SPRR1A: variants seen among roughly 807,000 people sequenced by gnomAD.
SPRR1A encodes cornifin-A.
For synonymous variants in SPRR1A, 40 were observed against 39.2 expected, an observed-to-expected ratio of 1.02 and a Z score of -0.07; for missense variants, 123 against 105.4, an observed-to-expected ratio of 1.17 and a Z score of -0.73.
chr1:152,985,366 C>T (rs1045343373), exon 1 of SPRR1A: 1 of 1,561,348 alleles, frequency 6.4e-7, no homozygotes, highest in Non-Finnish European at 8.7e-7. Context: ...CCCCAAGGTG[C>T]CTGAGCCCTG....
At chr1:152,984,357 T>C (rs958957690), upstream of SPRR1A, among the ~76,000 whole-genome samples, 1 of 152,196 alleles carries the variant, frequency 6.6e-6, no homozygotes. Flanking sequence ...CTGGAGAAGA[T>C]TGTTCAAATG....
At position 152,985,312 on chromosome 1, in the gene SPRR1A, C is replaced by T. The variant is rs1292867594; in HGVS notation, c.82C>T (p.Pro28Ser). The change falls in exon 1 of 1, where the codon CCA becomes TCA. Residue 28 changes from proline to serine, a missense_variant. Physicochemically the swap from Pro to Ser is moderately conservative, Grantham distance 74. Coordinates refer to ENST00000368762, the Ensembl canonical transcript of SPRR1A. Reference sequence around the variant, plus strand: ...GCAGGTGAAACAACCTTGCCAGCCTCCACCCCAGGAACCATGCATCCCCAA... The same window carrying T: ...GCAGGTGAAACAACCTTGCCAGCCTTCACCCCAGGAACCATGCATCCCCAA... The T allele has an allele frequency of 1.9e-6, 3 of 1,613,964 alleles. No homozygotes were observed. The Admixed American group carries it at 5.0e-5, about 27-fold the overall frequency.
At chr1:152,985,127 A>G (rs1024384598), upstream of SPRR1A, 5 of 1,463,652 alleles carry the variant, frequency 3.4e-6, no homozygotes, top group Non-Finnish European at 3.7e-6. Flanking sequence ...TCTCTTCTAA[A>G]GGGTCCTGAA....
At chr1:152,985,568 A>G, downstream of SPRR1A, 2 of 1,539,486 alleles carry the variant, frequency 1.3e-6, no homozygotes, top group East Asian at 2.3e-5. Flanking sequence ...CATTCTGCTT[A>G]TGAATCCCAT....
chr1:152,984,187 C>T (rs193284334), upstream of SPRR1A, among the ~76,000 whole-genome samples: 2 of 152,198 alleles, frequency 1.3e-5, no homozygotes, highest in East Asian at 3.9e-4. Flanking sequence ...TAGAAATTAG[C>T]TAAAGGCAAA....
chr1:152,985,434 G>A (rs757880939), exon 1 of SPRR1A: 3 of 1,607,240 alleles, frequency 1.9e-6, no homozygotes, highest in South Asian at 2.2e-5. Flanking sequence ...GCCAGCCCAA[G>A]GTGCCTGAGC....
exon 1 of SPRR1A, chr1:152,985,436 T>G: frequency 6.2e-7 from 1 of 1,612,854 alleles, no homozygotes. Flanking sequence ...CAGCCCAAGG[T>G]GCCTGAGCCC....
At chr1:152,984,929 C>T (rs1484211185), upstream of SPRR1A, among the ~76,000 whole-genome samples, 1 of 152,140 alleles carries the variant, frequency 6.6e-6, no homozygotes, top group East Asian at 1.9e-4. Context: ...CAGAAGCCAG[C>T]TTTAGTAGGG....
exon 1 of SPRR1A, chr1:152,985,379 A>G (rs1210541783): frequency 6.4e-7 from 1 of 1,572,042 alleles, no homozygotes; most frequent in Non-Finnish European, 8.7e-7. Flanking sequence ...GAGCCCTGCC[A>G]CCCCAAAGTG....
chr1:152,985,128 G>A, upstream of SPRR1A: 1 of 1,465,306 alleles, frequency 6.8e-7, no homozygotes, highest in Non-Finnish European at 9.2e-7. Flanking sequence ...CTCTTCTAAA[G>A]GGTCCTGAAA....
exon 1 of SPRR1A, chr1:152,985,487 C>A (rs752388862): frequency 1.2e-6 from 2 of 1,613,128 alleles, no homozygotes. Context: ...CAGCAGAAGA[C>A]CAAGCAGAAG....
In SPRR1A at chr1:152,985,261, A is replaced by C. The variant is rs1216138465; in HGVS notation, c.31A>C (p.Thr11Pro). ...TTCTCAGCAGCAGAAGCAGCCTTGC[A>C]CCCCACCCCCTCAGCCTCAGCAGCA... is the stretch of plus-strand genomic sequence containing the variant. Residue 11 changes from threonine (T) to proline (P), a missense_variant, in exon 1 of 1, where the codon ACC becomes CCC. Coordinates refer to ENST00000368762, the Ensembl canonical transcript of SPRR1A. The C allele has an allele frequency of 6.2e-6, 10 of 1,613,172 alleles. No individual in the cohort carries two copies. Among genetic ancestry groups the C allele is most frequent in the Non-Finnish European group, 8.5e-6 (10 of 1,179,690 alleles).
chr1:152,985,158 A>C (rs1652267188), upstream of SPRR1A: 1 of 1,528,374 alleles, frequency 6.5e-7, no homozygotes, highest in South Asian at 1.3e-5. Context: ...TTTGGCATTG[A>C]ATTTGTATCC....
At chr1:152,984,963 T>A (rs1611759), upstream of SPRR1A, among the ~76,000 whole-genome samples, 1 of 151,864 alleles carries the variant, frequency 6.6e-6, no homozygotes, top group Non-Finnish European at 1.5e-5. Flanking sequence ...CAGATATAAG[T>A]TGCCTTGGGT....
chr1:152,984,640 G>A (rs540746834), upstream of SPRR1A, among the ~76,000 whole-genome samples: 1 of 152,216 alleles, frequency 6.6e-6, no homozygotes, highest in Non-Finnish European at 1.5e-5. Flanking sequence ...ACGGAGATGG[G>A]CAGAGAAGGG....
chr1:152,984,327 T>C (rs888633515), upstream of SPRR1A, among the ~76,000 whole-genome samples: 3 of 152,174 alleles, frequency 2.0e-5, no homozygotes, highest in Middle Eastern at 3.2e-3. Flanking sequence ...CCTCAGTAGA[T>C]AGTCATTGAA....
upstream of SPRR1A, chr1:152,985,211 GA>G: frequency 1.3e-6 from 2 of 1,576,660 alleles, no homozygotes; most frequent in Non-Finnish European, 1.7e-6. Flanking sequence ...TCTGTCTCTA[GA>G]AAAAAACACA....
At chr1:152,985,145 C>A (rs950387455), upstream of SPRR1A, 5 of 1,511,156 alleles carry the variant, frequency 3.3e-6, no homozygotes, top group African/African-American at 5.6e-5. Context: ...GAAATAAAAT[C>A]TGTTTGGCAT....
chr1:152,985,330 A>T (rs1486655804), exon 1 of SPRR1A: 1 of 1,613,524 alleles, frequency 6.2e-7, no homozygotes, highest in African/African-American at 1.3e-5. Context: ...GGAACCATGC[A>T]TCCCCAAAAC....
Sources: gnomAD v4.1 joint callset for allele counts (sites outside exome capture counted in the v4.1 genomes callset) on GRCh38, gnomAD v4.1.1 for gene constraint, MANE v1.5 for transcripts, NCBI Gene and HGNC (gene_info 2026-07-23, HGNC 2026-07-21) for gene names.